Variants in RBFOX1 observed in about 807,000 individuals in gnomAD.
RBFOX1 encodes RNA binding protein fox-1 homolog 1.
RBFOX1 carries 8 observed loss-of-function variants against 57.7 expected under a neutral mutation model. The observed-to-expected ratio is 0.14, with a 90% CI of 0.08 to 0.25. RBFOX1 has a LOEUF of 0.25. Ranked by LOEUF, RBFOX1 falls within the 10% of genes least tolerant of loss-of-function variation. RBFOX1 has a pLI of 1.00. For missense variants in RBFOX1, 611 were observed against 548.5 expected (o/e 1.11, Z -1.14); for synonymous variants, 326 against 222.4 (o/e 1.47, Z -4.15).
At chr16:6,202,555 A>G (rs1008473396) in intron 1 of RBFOX1, among the ~76,000 whole-genome samples, 3 of 152,110 alleles carry the variant, frequency 2.0e-5, no homozygotes, top group African/African-American at 4.8e-5. Context: ...GCTTAACAGT[A>G]TCCCTGTTGG....
chr16:5,722,788 G>A (rs931009850), intron 3 of RBFOX1, among the ~76,000 whole-genome samples: 3 of 152,112 alleles, frequency 2.0e-5, no homozygotes, highest in African/African-American at 7.2e-5. Context: ...ATCAGTCTCG[G>A]CTTACCTCTG....
intron 14 of RBFOX1, among the ~76,000 whole-genome samples, chr16:7,705,530 C>T (rs935999269): frequency 1.3e-5 from 2 of 152,058 alleles, no homozygotes; most frequent in Admixed American, 6.6e-5. Flanking sequence ...TTTAAAAATC[C>T]TATGTGCCTG....
intron 3 of RBFOX1, among the ~76,000 whole-genome samples, chr16:6,842,550 C>G (rs1218371938): frequency 6.6e-6 from 1 of 151,548 alleles, no homozygotes; most frequent in African/African-American, 2.4e-5. Flanking sequence ...TCTGTATCAA[C>G]TTTTTAATGG....
intron 3 of RBFOX1, among the ~76,000 whole-genome samples, chr16:5,743,376 T>A (rs1171990004): frequency 6.6e-6 from 1 of 152,160 alleles, no homozygotes; most frequent in African/African-American, 2.4e-5. Context: ...ATATCAGAGT[T>A]CTCTTAAACC....
chr16:6,900,455 T>C (rs1287443578), intron 3 of RBFOX1, among the ~76,000 whole-genome samples: 2 of 152,212 alleles, frequency 1.3e-5, no homozygotes, highest in African/African-American at 4.8e-5. Context: ...AAACTGTTTA[T>C]TGATTTCCCG....
At chr16:7,695,434 A>G (rs2147767286) in intron 14 of RBFOX1, among the ~76,000 whole-genome samples, 1 of 152,134 alleles carries the variant, frequency 6.6e-6, no homozygotes, top group Non-Finnish European at 1.5e-5. Flanking sequence ...TGGGTGGATC[A>G]TGAGGGTCAG....
chr16:5,325,914 T>C (rs948371966), intron 1 of RBFOX1, among the ~76,000 whole-genome samples: 3 of 152,230 alleles, frequency 2.0e-5, no homozygotes, highest in Admixed American at 6.5e-5. Flanking sequence ...TGTTTAAACA[T>C]AAGTTTTCAT....
intron 2 of RBFOX1, among the ~76,000 whole-genome samples, chr16:6,469,463 A>G (rs1429547804): frequency 6.6e-6 from 1 of 152,174 alleles, no homozygotes; most frequent in Non-Finnish European, 1.5e-5. Context: ...CAGATGAGGA[A>G]TTGGCGTGAT....
rs1567540292 is a variant in RBFOX1, at chr16:5,786,390, C to G, written c.319-80913C>G. Among the ~76,000 whole-genome samples the G allele has an allele frequency of 1.3e-5, 2 of 152,146 alleles. 1 individual carries two copies. Among genetic ancestry groups the G allele is most frequent in the South Asian group, 4.2e-4 (2 of 4,818 alleles). On this transcript the variant is annotated intron_variant, in intron 3 of 19. Transcript: ENST00000641259. ...CCTCTGCTGCTCATGTAGCACTTTG[C>G]TCACTGCTGCTTCTTGGTGTGTCTC...
intron 4 of RBFOX1, among the ~76,000 whole-genome samples, chr16:7,166,990 T>TTTTTTTTTTTTC: frequency 8.0e-6 from 1 of 124,328 alleles, no homozygotes; most frequent in Non-Finnish European, 1.7e-5. Flanking sequence ...TTTTTTTTTT[T>TTTTTTTTTTTTC]TTTTTTTTTT....
chr16:6,051,772 C>T (rs1009393370), intron 1 of RBFOX1, among the ~76,000 whole-genome samples: 2 of 152,208 alleles, frequency 1.3e-5, no homozygotes, highest in Admixed American at 6.5e-5. Context: ...TCATATTAGT[C>T]AGGCTGATCT....
chr16:7,074,575 T>G (rs2057963455), intron 4 of RBFOX1, among the ~76,000 whole-genome samples: 2 of 152,120 alleles, frequency 1.3e-5, no homozygotes, highest in Non-Finnish European at 2.9e-5. Context: ...CCTCAGTGAT[T>G]TATGGGAAAT....
chr16:6,357,084 C>T (rs1484824981), intron 2 of RBFOX1, among the ~76,000 whole-genome samples: 2 of 152,106 alleles, frequency 1.3e-5, no homozygotes, highest in Non-Finnish European at 2.9e-5. Context: ...AGGGAAGCAG[C>T]GCTCACTCTC....
chr16:7,217,201 T>C (rs1398384625), intron 4 of RBFOX1, among the ~76,000 whole-genome samples: 2 of 151,162 alleles, frequency 1.3e-5, no homozygotes, highest in Admixed American at 6.6e-5. Context: ...GCCTTCCGGA[T>C]TGAAGAGATT....
intron 1 of RBFOX1, chr16:6,092,596 C>G (rs969623103): frequency 2.6e-5 from 4 of 152,196 alleles, no homozygotes; most frequent in African/African-American, 9.7e-5. Context: ...CAGTTACAGT[C>G]TTCTGCATAT....
intron 4 of RBFOX1, among the ~76,000 whole-genome samples, chr16:7,248,699 T>A (rs1350620751): frequency 6.6e-6 from 1 of 152,184 alleles, no homozygotes; most frequent in Non-Finnish European, 1.5e-5. Context: ...CCAAGAAAAT[T>A]AGAGTTGCAT....
chr16:6,367,355 C>G (rs1487432930), intron 2 of RBFOX1, among the ~76,000 whole-genome samples: 4 of 152,174 alleles, frequency 2.6e-5, no homozygotes, highest in African/African-American at 9.7e-5. Context: ...ACTGCAACCT[C>G]TGCCTCCCGG....
intron 3 of RBFOX1, among the ~76,000 whole-genome samples, chr16:6,685,247 A>G (rs1478421257): frequency 6.6e-6 from 1 of 150,510 alleles, no homozygotes; most frequent in Non-Finnish European, 1.5e-5. Flanking sequence ...ACTTCACGTA[A>G]GTGTACTAAG....
chr16:7,289,548 T>TG (rs979863605), intron 4 of RBFOX1, among the ~76,000 whole-genome samples: 1 of 152,018 alleles, frequency 6.6e-6, no homozygotes, highest in Non-Finnish European at 1.5e-5. Context: ...TCAGCATCAA[T>TG]ATGATAATGA....
Sources: allele counts gnomAD v4.1 joint callset (sites outside exome capture counted in the v4.1 genomes callset), GRCh38; gene constraint gnomAD v4.1.1; transcripts MANE v1.5; gene names NCBI Gene and HGNC (gene_info 2026-07-23, HGNC 2026-07-21).